Variants in ANO6 observed in about 807,000 individuals in gnomAD.
The protein encoded by ANO6 is anoctamin 6, also known as anoctamin-6.
In ANO6, 106 loss-of-function variants were observed where a neutral mutation model predicts 117.5. That is an observed-to-expected ratio of 0.90 (90% CI 0.77 to 1.06). The LOEUF (loss-of-function observed/expected upper bound fraction) is 1.06, where lower values mean the gene tolerates loss of function less well. Ranked by LOEUF, ANO6 falls within the 50% of genes least tolerant of loss-of-function variation. The pLI is 0.00. For synonymous variants in ANO6, 367 were observed against 385.1 expected, an observed-to-expected ratio of 0.95 and a Z score of 0.55; for missense variants, 955 against 1,121.1, an observed-to-expected ratio of 0.85 and a Z score of 2.12.
At chr12:45,384,710 A>G (rs1442479657) in intron 10 of ANO6, among the ~76,000 whole-genome samples, 1 of 152,212 alleles carries the variant, frequency 6.6e-6, no homozygotes, top group Non-Finnish European at 1.5e-5. Context: ...GTAACATCAA[A>G]GAAAGATCAC....
chr12:45,439,625 T>C (rs574354518), intron 19 of ANO6: 1 of 1,347,270 alleles, frequency 7.4e-7, no homozygotes. Flanking sequence ...ATTACCAGAG[T>C]ATTCAAGATA....
intron 3 of ANO6, among the ~76,000 whole-genome samples, chr12:45,339,915 T>C (rs1940933171): frequency 6.6e-6 from 1 of 152,190 alleles, no homozygotes; most frequent in Admixed American, 6.6e-5. Flanking sequence ...ATATATTTCA[T>C]TAATCCCAAC....
intron 1 of ANO6, among the ~76,000 whole-genome samples, chr12:45,244,829 C>T (rs1024579975): frequency 1.3e-5 from 2 of 152,126 alleles, no homozygotes; most frequent in Non-Finnish European, 2.9e-5. Context: ...AGAATGTGTG[C>T]GTGTTTAAAC....
chr12:45,226,983 T>C (rs1168583319), intron 1 of ANO6, among the ~76,000 whole-genome samples: 1 of 148,640 alleles, frequency 6.7e-6, no homozygotes, highest in South Asian at 2.1e-4. Flanking sequence ...ATTATCATTT[T>C]CTTTTTTTTT....
intron 19 of ANO6, among the ~76,000 whole-genome samples, chr12:45,428,785 A>G (rs1481339287): frequency 2.0e-5 from 3 of 152,214 alleles, no homozygotes; most frequent in East Asian, 3.8e-4. Context: ...ACAAAATACA[A>G]CAGCATTGTC....
chr12:45,283,411 C>T (rs1938806104), intron 1 of ANO6, among the ~76,000 whole-genome samples: 1 of 152,128 alleles, frequency 6.6e-6, no homozygotes, highest in African/African-American at 2.4e-5. Flanking sequence ...GATATGCCAC[C>T]TCTCCCATGA....
chr12:45,402,400 T>G (rs1271294197), intron 13 of ANO6, among the ~76,000 whole-genome samples: 1 of 151,632 alleles, frequency 6.6e-6, no homozygotes, highest in African/African-American at 2.4e-5. Context: ...GCTATCACAC[T>G]GCTACGTGTC....
intron 1 of ANO6, among the ~76,000 whole-genome samples, chr12:45,244,874 T>C (rs558983590): frequency 1.2e-4 from 18 of 152,320 alleles, no homozygotes; most frequent in African/African-American, 4.1e-4. Context: ...TAGGAATCTT[T>C]GGTCATAGCA....
chr12:45,350,716 T>C lies in ANO6; in HGVS notation c.805T>C (p.Tyr269His). The change falls in exon 7 of 20, where the codon TAC (tyrosine) becomes CAC (histidine). Residue 269 changes from tyrosine (Y) to histidine (H), a missense_variant. Tyr to His is a moderately conservative substitution (Grantham distance 83, BLOSUM62 2). Transcript: ENST00000320560. The stretch of plus-strand genomic sequence containing the variant: ...CTGCCCTAATGAACGGTACCTTCTG[T>C]ACAGAGAATGGGCTCATCCTCGAAG... The part of the protein sequence containing the change: ...PSCPNERYLL[Y>H]REWAHPRSIY... 6.2e-7 allele frequency: 1 copy of C among 1,613,816 alleles called. No individual in the cohort carries two copies. The highest frequency in any genetic ancestry group is 8.5e-7 in the Non-Finnish European group (1 of 1,179,810).
intron 3 of ANO6, among the ~76,000 whole-genome samples, chr12:45,346,194 A>G (rs900467747): frequency 4.6e-5 from 7 of 152,152 alleles, no homozygotes; most frequent in African/African-American, 1.7e-4. Context: ...ACCATAGCAG[A>G]GCTTGTGTTC....
intron 2 of ANO6, among the ~76,000 whole-genome samples, chr12:45,314,085 G>C (rs1235942254): frequency 2.0e-5 from 3 of 151,946 alleles, no homozygotes; most frequent in African/African-American, 7.2e-5. Flanking sequence ...AGACTATAAG[G>C]CAGTGTGTAC....
intron 2 of ANO6, among the ~76,000 whole-genome samples, chr12:45,329,346 T>C (rs1940585223): frequency 6.6e-6 from 1 of 152,180 alleles, no homozygotes; most frequent in South Asian, 2.1e-4. Flanking sequence ...GGCACTCTTT[T>C]CTCTAGTATT....
intron 3 of ANO6, among the ~76,000 whole-genome samples, chr12:45,341,548 CA>C (rs1555171061): frequency 2.6e-5 from 4 of 152,022 alleles, no homozygotes; most frequent in Non-Finnish European, 5.9e-5. Context: ...AGACATGAGG[CA>C]AAAGAGAAGA....
intron 12 of ANO6, among the ~76,000 whole-genome samples, chr12:45,400,684 A>G (rs1027326428): frequency 1.3e-5 from 2 of 152,236 alleles, no homozygotes; most frequent in Non-Finnish European, 2.9e-5. Context: ...TTGAAGCCCC[A>G]GTGGAGCTTG....
In ANO6 at chr12:45,356,198, GA is replaced by G. The variant is rs1941406697; in HGVS notation, c.864-1086del. 6.6e-5 allele frequency among the ~76,000 whole-genome samples: 10 copies of G among 152,180 alleles called. No individual in the cohort carries two copies. In the South Asian group the frequency reaches 2.1e-3, roughly 32 times the overall value. On this transcript the variant is annotated intron_variant, in intron 7 of 19. Coordinates refer to ENST00000320560, the MANE Select transcript of ANO6 (RefSeq NM_001025356.3). ...CCATTAACCAGTTTTTAAAACTTAG[GA>G]AAAAATAGAAGAGCTAGCTATAAGG... is the stretch of plus-strand genomic sequence containing the variant.
intron 1 of ANO6, among the ~76,000 whole-genome samples, chr12:45,241,468 T>G (rs1365214791): frequency 6.6e-6 from 1 of 152,186 alleles, no homozygotes; most frequent in African/African-American, 2.4e-5. Flanking sequence ...TTTTTCAAGG[T>G]TTTTAGTTTC....
intron 1 of ANO6, among the ~76,000 whole-genome samples, chr12:45,256,042 T>A (rs11182947): frequency 0.074 from 11,201 of 152,034 alleles, 588 homozygotes; most frequent in East Asian, 0.3. Flanking sequence ...CAGGCTGGTC[T>A]CAAACTCCTG....
At position 45,401,729 on chromosome 12, in the gene ANO6, C is replaced by A. The variant is rs11183014; in HGVS notation, c.1387-66C>A. 79,166 of 1,297,038 alleles carry A rather than the reference C, an allele frequency of 0.061. 4,565 individuals are homozygous for A. The highest frequency in any genetic ancestry group is 0.33 in the East Asian group (14,310 of 43,296). 80.3% of individuals were successfully genotyped at this position (1,297,038 alleles called of 1,614,324 possible). Reference sequence around the variant, plus strand: ...ACACACACCTTGTTAAGTGTGAGTTCAGTTTTTAATAGTACAAGTGCAGTT... The same window carrying A: ...ACACACACCTTGTTAAGTGTGAGTTAAGTTTTTAATAGTACAAGTGCAGTT... On this transcript the variant is annotated intron_variant, in intron 12 of 19. Transcript: ENST00000320560.
intron 3 of ANO6, among the ~76,000 whole-genome samples, chr12:45,339,613 T>C (rs1285345752): frequency 1.3e-5 from 2 of 152,158 alleles, no homozygotes; most frequent in Non-Finnish European, 2.9e-5. Context: ...CATTACTCAG[T>C]TGAGTAAATT....
Sources: allele counts gnomAD v4.1 joint callset (sites outside exome capture counted in the v4.1 genomes callset), GRCh38; gene constraint gnomAD v4.1.1; transcripts MANE v1.5; gene names NCBI Gene and HGNC (gene_info 2026-07-23, HGNC 2026-07-21).